Variants in KIF5A observed in about 807,000 individuals in gnomAD.
The protein encoded by KIF5A is kinesin heavy chain isoform 5A.
Under a neutral mutation model 141.3 loss-of-function variants are expected in KIF5A, and 35 were observed. The observed-to-expected ratio is 0.25, with a 90% CI of 0.19 to 0.33. KIF5A has a LOEUF of 0.33. KIF5A is among the 10% of genes least tolerant of loss of function. The pLI, the probability that KIF5A is intolerant of heterozygous loss-of-function variation, is 1.00. For missense variants in KIF5A, 861 were observed against 1,314.3 expected (o/e 0.66, Z 5.33); for synonymous variants, 448 against 500.2 (o/e 0.90, Z 1.39).
intron 11 of KIF5A, 58 bp from the exon 12 acceptor site, chr12:57,569,929 A>G: frequency 6.3e-7 from 1 of 1,580,128 alleles, no homozygotes; most frequent in Non-Finnish European, 8.6e-7. Context: ...GAGAAGGAAG[A>G]ACTCGTGGAT....
intron 23 of KIF5A, 56 bp downstream of exon 23, chr12:57,578,398 C>A: frequency 2.5e-6 from 3 of 1,204,196 alleles, no homozygotes; most frequent in Non-Finnish European, 3.7e-6. Context: ...GCTAGCATAC[C>A]AAATCCTCAG....
At chr12:57,580,640 A>T (rs1308348947) in intron 23 of KIF5A, among the ~76,000 whole-genome samples, 2 of 152,188 alleles carry the variant, frequency 1.3e-5, no homozygotes, top group Non-Finnish European at 2.9e-5. Context: ...GGGAAACCAG[A>T]TGGAGACAGG....
chr12:57,570,819 C>T (rs1882230559), intron 12 of KIF5A, among the ~76,000 whole-genome samples: 1 of 152,040 alleles, frequency 6.6e-6, no homozygotes, highest in African/African-American at 2.4e-5. Context: ...GAGAAAGAGT[C>T]TTGCTTTGTT....
At position 57,581,254 on chromosome 12, in the gene KIF5A, T is replaced by C; in HGVS notation, c.2755+82T>C. On this transcript the variant is annotated intron_variant, in intron 24 of 28. Transcript: ENST00000455537. ...TGCTAATTGCCAAGCAACTAGATTA[T>C]TGCTTCTTACCTACCCCTAGCCTCA... 5 of 1,515,098 alleles carry C rather than the reference T, an allele frequency of 3.3e-6. No individual in the cohort carries two copies. In the South Asian group the frequency reaches 5.8e-5, roughly 18 times the overall value. 93.9% of individuals were successfully genotyped at this position (1,515,098 alleles called of 1,614,324 possible). A position where few individuals can be genotyped will look rare whatever the true frequency, so the allele number is the denominator to read the frequency against.
chr12:57,577,044 C>G (rs1882450393), intron 20 of KIF5A, among the ~76,000 whole-genome samples, 182 bp downstream of exon 20: 1 of 152,138 alleles, frequency 6.6e-6, no homozygotes, highest in African/African-American at 2.4e-5. Context: ...TGAGTATTCA[C>G]CAGTATGGAA....
rs981831569 is a variant in KIF5A at position 57,550,626 on chromosome 12, C to T, written c.129+226C>T. Among the ~76,000 whole-genome samples, 3 of 152,184 alleles carry T rather than the reference C, an allele frequency of 2.0e-5. No individual in the cohort carries two copies. The highest frequency in any genetic ancestry group is 2.9e-5 in the Non-Finnish European group (2 of 68,020). On this transcript the variant is annotated intron_variant, in intron 1 of 28. Coordinates refer to ENST00000455537, the MANE Select transcript of KIF5A (RefSeq NM_004984.4). This position sits in a 1 kb window ranked among gnomAD's most constrained non-coding sequence, Gnocchi z 4.6. ...GAGTGGCAGGGGGCTGCTTTCCTAC[C>T]TTCGGGAGATCCAACTCCCCTTTGC...
intron 7 of KIF5A, 65 bp from the exon 8 acceptor site, chr12:57,567,429 G>A: frequency 6.2e-7 from 1 of 1,601,750 alleles, no homozygotes; most frequent in Non-Finnish European, 8.5e-7. Flanking sequence ...GTCAGTGGAA[G>A]CCGGGGGCTG....
At chr12:57,583,018 G>T in intron 27 of KIF5A, 83 bp from the exon 28 acceptor site, 1 of 1,135,058 alleles carries the variant, frequency 8.8e-7, no homozygotes, top group South Asian at 1.3e-5. Context: ...GATCTCACAG[G>T]GACACTCTCA....
intron 1 of KIF5A, among the ~76,000 whole-genome samples, chr12:57,555,382 C>G (rs191495493): frequency 2.8e-4 from 42 of 152,194 alleles, no homozygotes; most frequent in African/African-American, 9.9e-4. Context: ...AAAAAAAAAT[C>G]AGGCAAAATT....
intron 12 of KIF5A, among the ~76,000 whole-genome samples, chr12:57,570,817 G>A (rs1882230450): frequency 6.6e-6 from 1 of 152,066 alleles, no homozygotes; most frequent in East Asian, 1.9e-4. Flanking sequence ...GAGAGAAAGA[G>A]TCTTGCTTTG....
rs1882584796 is a variant in KIF5A at position 57,581,153 on chromosome 12, G to A, written c.2736G>A (p.Arg912=). The A allele has an allele frequency of 6.2e-7, 1 of 1,613,798 alleles. No individual in the cohort carries two copies. The highest frequency in any genetic ancestry group is 8.5e-7 in the Non-Finnish European group (1 of 1,179,936). ...EAVRYKSSGK[R]GHSAQIAKPV... ...TTCGCTACAAGAGCTCGGGCAAACG[G>A]GGCCATTCTGCCCAGATTGGTGAGT... Residue 912 remains arginine, a synonymous_variant, in exon 24 of 29, where the codon CGG becomes CGA. Transcript: ENST00000455537.
intron 1 of KIF5A, among the ~76,000 whole-genome samples, chr12:57,560,210 A>C (rs1881869597): frequency 6.6e-6 from 1 of 152,188 alleles, no homozygotes; most frequent in African/African-American, 2.4e-5. Flanking sequence ...CATTATTTTA[A>C]ATAACAGTGA....
chr12:57,555,845 G>T (rs187662409), intron 1 of KIF5A, among the ~76,000 whole-genome samples: 92 of 143,174 alleles, frequency 6.4e-4, no homozygotes, highest in African/African-American at 2.3e-3. Context: ...GGAGGCGAAG[G>T]TTGCAGTGAG....
chr12:57,553,875 G>A (rs994533493), intron 1 of KIF5A, among the ~76,000 whole-genome samples: 2 of 152,122 alleles, frequency 1.3e-5, no homozygotes, highest in Admixed American at 6.5e-5. Flanking sequence ...TGCTGGGGGT[G>A]GGAGAGAGAT....
Position 57,563,489 on chromosome 12 carries a change from G to A in KIF5A, c.180G>A (p.Glu60=), listed in dbSNP as rs200900180. The change falls in exon 2 of 29, where the codon GAG becomes GAA. Residue 60 remains glutamate (E), a synonymous_variant. Coordinates refer to ENST00000455537, the MANE Select transcript of KIF5A (RefSeq NM_004984.4). ...TATTCCCCCCAAACACGACTCAAGA[G>A]CAAGTTTATCATGCATGTGCCATGC... is the stretch of plus-strand genomic sequence containing the variant. The part of the protein sequence containing the change: ...DRVFPPNTTQ[E]QVYHACAMQI... The A allele has an allele frequency of 1.7e-5, 27 of 1,613,860 alleles. No individual in the cohort carries two copies. The highest frequency in any genetic ancestry group is 2.1e-5 in the Non-Finnish European group (25 of 1,179,912).
At chr12:57,584,145 G>C (rs1273385816) in intron 28 of KIF5A, 73 bp from the exon 29 acceptor site, 1 of 152,572 alleles carries the variant, frequency 6.6e-6, no homozygotes, top group Non-Finnish European at 1.5e-5. Context: ...AGTGTGTGCA[G>C]ATGCCACCTG....
intron 1 of KIF5A, among the ~76,000 whole-genome samples, chr12:57,559,977 T>C (rs757623285): frequency 8.1e-4 from 124 of 152,334 alleles, no homozygotes; most frequent in Admixed American, 1.4e-3. Context: ...CTGCAACCTC[T>C]GCCTCCTGGG....
intron 6 of KIF5A, among the ~76,000 whole-genome samples, chr12:57,565,649 G>GA (rs1882042101): frequency 7.4e-6 from 1 of 135,446 alleles, no homozygotes; most frequent in African/African-American, 2.8e-5. Context: ...TTTGGAGACA[G>GA]AGTCTCACTC....
chr12:57,568,622 G>A (rs1882144392), intron 8 of KIF5A, among the ~76,000 whole-genome samples: 1 of 152,106 alleles, frequency 6.6e-6, no homozygotes, highest in African/African-American at 2.4e-5. Flanking sequence ...CTGCTCAGGA[G>A]GCTGAGGCAG....
Sources: gnomAD v4.1 joint callset for allele counts (sites outside exome capture counted in the v4.1 genomes callset) on GRCh38, gnomAD v4.1.1 for gene constraint, Gnocchi (gnomAD v3.1) non-coding constraint, MANE v1.5 for transcripts, NCBI Gene and HGNC (gene_info 2026-07-23, HGNC 2026-07-21) for gene names.